Variants in LGR5 observed in about 807,000 individuals in gnomAD.
The protein encoded by LGR5 is leucine-rich repeat-containing G protein-coupled receptor 5.
A neutral mutation model predicts 76.7 loss-of-function variants in LGR5; 54 were observed. The ratio of observed to expected loss-of-function variants is 0.70; its 90% CI spans 0.57 to 0.88. LGR5 has a LOEUF of 0.88. Ranked by LOEUF, LGR5 falls within the 40% of genes least tolerant of loss-of-function variation. LGR5 has a pLI of 0.00. For missense variants in LGR5, 1,078 were observed against 1,073.3 expected, an observed-to-expected ratio of 1.00 and a Z score of -0.06; for synonymous variants, 406 against 421.9, an observed-to-expected ratio of 0.96 and a Z score of 0.46.
Position 71,440,098 on chromosome 12 carries a change from C to A in LGR5, c.18C>A (p.Leu6=). 6.2e-7 allele frequency: 1 copy of A among 1,604,350 alleles called. No individual in the cohort carries two copies. Among genetic ancestry groups the A allele is most frequent in the Non-Finnish European group, 8.5e-7 (1 of 1,179,876 alleles). The change falls in exon 1 of 18, where the codon CTC becomes CTA. Residue 6 remains leucine, a synonymous_variant. Transcript: ENST00000266674. This position sits in a 1 kb window ranked among gnomAD's most constrained non-coding sequence, Gnocchi z 5.3. ...CGGGCACCATGGACACCTCCCGGCT[C>A]GGTGTGCTCCTGTCCTTGCCTGTGC... is the stretch of plus-strand genomic sequence containing the variant. MDTSR[L]GVLLSLPVLL...
chr12:71,565,988 T>TAA (rs1878321269), intron 8 of LGR5, among the ~76,000 whole-genome samples: 1 of 152,184 alleles, frequency 6.6e-6, no homozygotes, highest in African/African-American at 2.4e-5. Context: ...CCAGCAGATA[T>TAA]AATAACCTTC....
chr12:71,525,254 T>G (rs1875933865), intron 3 of LGR5, among the ~76,000 whole-genome samples: 1 of 152,132 alleles, frequency 6.6e-6, no homozygotes, highest in Non-Finnish European at 1.5e-5. Flanking sequence ...AAATTACATT[T>G]CAGTGACCTA....
At chr12:71,474,540 G>A (rs1245931443) in intron 1 of LGR5, among the ~76,000 whole-genome samples, 1 of 152,210 alleles carries the variant, frequency 6.6e-6, no homozygotes, top group Non-Finnish European at 1.5e-5. Flanking sequence ...AATCGACCCA[G>A]TAAGTGGGGA....
intron 13 of LGR5, among the ~76,000 whole-genome samples, chr12:71,573,921 A>AAT (rs944790477): frequency 4.0e-5 from 6 of 150,968 alleles, no homozygotes; most frequent in African/African-American, 1.5e-4. Flanking sequence ...CTTAAAAAAA[A>AAT]AAAGTGTAAA....
chr12:71,503,791 A>G (rs1874718177), intron 1 of LGR5, among the ~76,000 whole-genome samples: 2 of 152,238 alleles, frequency 1.3e-5, no homozygotes, highest in African/African-American at 2.4e-5. Context: ...GGTCTTGATT[A>G]GAATCTGTCC....
In LGR5 at chr12:71,497,162, T is replaced by C. The variant is rs1874366500; in HGVS notation, c.213-7452T>C. Among the ~76,000 whole-genome samples, 3 of 150,450 alleles carry C rather than the reference T, an allele frequency of 2.0e-5. No homozygotes were observed. The East Asian group carries it at 5.8e-4, about 29-fold the overall frequency. Reference sequence around the variant, plus strand: ...GACCTCATCTCTACGAAAAAAAAAATTAATTAGCCAAGTATGGTAGTGCAA... The same window carrying C: ...GACCTCATCTCTACGAAAAAAAAAACTAATTAGCCAAGTATGGTAGTGCAA... On this transcript the variant is annotated intron_variant, in intron 1 of 17. Transcript: ENST00000266674.
chr12:71,519,262 A>G (rs1251158708), intron 2 of LGR5, among the ~76,000 whole-genome samples: 1 of 152,196 alleles, frequency 6.6e-6, no homozygotes, highest in African/African-American at 2.4e-5. Flanking sequence ...CATCTGCTGA[A>G]ATGCCTACTC....
intron 3 of LGR5, among the ~76,000 whole-genome samples, chr12:71,529,284 G>C (rs1876176277): frequency 6.6e-6 from 1 of 152,080 alleles, no homozygotes; most frequent in Admixed American, 6.6e-5. Context: ...GCATGGCTGG[G>C]GAGGCCTCGG....
chr12:71,530,886 GC>G (rs1157050124), intron 3 of LGR5, among the ~76,000 whole-genome samples: 2 of 151,812 alleles, frequency 1.3e-5, no homozygotes, highest in Non-Finnish European at 2.9e-5. Context: ...GGACAAATAG[GC>G]CAAGGGAATA....
intron 16 of LGR5, among the ~76,000 whole-genome samples, chr12:71,581,100 C>G (rs1879073518): frequency 6.6e-6 from 1 of 152,256 alleles, no homozygotes; most frequent in South Asian, 2.1e-4. Context: ...ACTTCAGAAA[C>G]TTTTTCTCCA....
At position 71,524,438 on chromosome 12, in the gene LGR5, C is replaced by T. The variant is rs761567754; in HGVS notation, c.317C>T (p.Pro106Leu). ...GCGGGAAACGCTCTGACATACATTC[C>T]CAAGGGAGCATTCACTGGCCTTTAC... is the stretch of plus-strand genomic sequence containing the variant. Reference protein sequence around the residue: ...RLAGNALTYIPKGAFTGLYSL... With the variant: ...RLAGNALTYILKGAFTGLYSL... Residue 106 changes from proline to leucine, a missense_variant, in exon 3 of 18, where the codon CCC (proline) becomes CTC (leucine). By Grantham distance (98) the Pro-to-Leu change is moderately conservative. Transcript: ENST00000266674. The T allele has an allele frequency of 6.2e-7, 1 of 1,613,290 alleles. No individual in the cohort carries two copies. Among genetic ancestry groups the T allele is most frequent in the Non-Finnish European group, 8.5e-7 (1 of 1,179,490 alleles).
chr12:71,541,457 T>C (rs1244479610), intron 4 of LGR5, among the ~76,000 whole-genome samples: 1 of 152,222 alleles, frequency 6.6e-6, no homozygotes, highest in Admixed American at 6.5e-5. Context: ...CTTTGGAAAG[T>C]AGATTGAACT....
chr12:71,492,117 TCAGTTGAGGAGGAAGCCCA>T (rs996154392), intron 1 of LGR5, among the ~76,000 whole-genome samples: 6 of 152,168 alleles, frequency 3.9e-5, no homozygotes, highest in Admixed American at 2.0e-4. Flanking sequence ...ATTTTTTCTG[TCAGTTGAGGAGGAAGCCCA>T]CAGATATTGG....
At chr12:71,447,318 C>T (rs1053721821) in intron 1 of LGR5, among the ~76,000 whole-genome samples, 1 of 152,122 alleles carries the variant, frequency 6.6e-6, no homozygotes, top group African/African-American at 2.4e-5. Context: ...TAATGAAAAA[C>T]CTTTTCTGAA....
intron 5 of LGR5, among the ~76,000 whole-genome samples, chr12:71,555,295 C>T (rs1307163475): frequency 6.6e-6 from 1 of 152,050 alleles, no homozygotes; most frequent in Non-Finnish European, 1.5e-5. Context: ...ATTTCTTTTC[C>T]TCCACTAGAG....
At chr12:71,522,615 A>G (rs985089526) in intron 2 of LGR5, among the ~76,000 whole-genome samples, 1 of 150,846 alleles carries the variant, frequency 6.6e-6, no homozygotes, top group Admixed American at 6.6e-5. Context: ...TGTCTACTCT[A>G]TTTTTTTTTC....
intron 2 of LGR5, among the ~76,000 whole-genome samples, chr12:71,520,809 A>G (rs1875692562): frequency 6.6e-6 from 1 of 152,138 alleles, no homozygotes; most frequent in African/African-American, 2.4e-5. Flanking sequence ...CAGCACATGT[A>G]TACCTGTGTA....
intron 6 of LGR5, among the ~76,000 whole-genome samples, chr12:71,558,803 A>G (rs1041645648): frequency 6.6e-6 from 1 of 152,214 alleles, no homozygotes; most frequent in Non-Finnish European, 1.5e-5. Context: ...TCATACGAAG[A>G]TCTAGATATA....
intron 2 of LGR5, among the ~76,000 whole-genome samples, chr12:71,513,487 G>A (rs1875273119): frequency 6.6e-6 from 1 of 152,056 alleles, no homozygotes; most frequent in Admixed American, 6.5e-5. Context: ...CCCCAATTTG[G>A]GGTCAAAATG....
Sources: allele counts gnomAD v4.1 joint callset (sites outside exome capture counted in the v4.1 genomes callset), GRCh38; gene constraint gnomAD v4.1.1; non-coding constraint Gnocchi (gnomAD v3.1); transcripts MANE v1.5; gene names NCBI Gene and HGNC (gene_info 2026-07-23, HGNC 2026-07-21).